The following LRRC4B variants were observed in gnomAD, a reference collection of about 807,000 sequenced individuals.
The protein encoded by LRRC4B is leucine rich repeat containing 4B.
In LRRC4B, 1 loss-of-function variant was observed where a neutral mutation model predicts 7.3. That is an observed-to-expected ratio of 0.14 (90% CI 0.05 to 0.65). LRRC4B has a LOEUF of 0.65. Ranked by LOEUF, LRRC4B falls within the 30% of genes least tolerant of loss-of-function variation. The probability of loss-of-function intolerance (pLI) is 0.84; values close to 1 mark genes in which losing one functional copy is unlikely to be tolerated. For missense variants in LRRC4B, 730 were observed against 1,041.6 expected (o/e 0.70, Z 4.12); for synonymous variants, 500 against 499.2 (o/e 1.00, Z -0.02).
intron 2 of LRRC4B, among the ~76,000 whole-genome samples, chr19:50,527,326 C>G (rs1980852670): frequency 1.3e-5 from 2 of 150,188 alleles, no homozygotes; most frequent in African/African-American, 2.5e-5. Context: ...GCCACCACGC[C>G]CGGCTGTTTT....
Position 50,517,776 on chromosome 19 carries a change from C to T in LRRC4B, c.1937G>A (p.Gly646Glu). 6.6e-7 allele frequency: 1 copy of T among 1,526,034 alleles called. No individual in the cohort carries two copies. The highest frequency in any genetic ancestry group is 8.8e-7 in the Non-Finnish European group (1 of 1,142,336). The allele number at this position is 1,526,034 out of a possible 1,614,324, so 94.5% of individuals were successfully genotyped here. ...GGCGGGCAGGGCCAGGTGGCTGTCC[C>T]CGCCCACACCACCCCCACTGGCCAC... The part of the protein sequence containing the change: ...AAVASGGGVG[G>E]DSHLALPALE... Residue 646 changes from glycine (G) to glutamate (E), a missense_variant, in exon 3 of 3, where the codon GGG becomes GAG. Physicochemically the swap from Gly to Glu is moderately conservative, Grantham distance 98. This residue lies in a region of LRRC4B where 160 missense variants were observed against 163.9 expected (regional missense o/e 0.98). Transcript: ENST00000652263. This position sits in a 1 kb window ranked among gnomAD's most constrained non-coding sequence, Gnocchi z 6.6.
intron 1 of LRRC4B, among the ~76,000 whole-genome samples, chr19:50,565,262 T>G (rs112215346): frequency 3.3e-5 from 5 of 152,220 alleles, no homozygotes; most frequent in Non-Finnish European, 5.9e-5. Flanking sequence ...GCCACCTCCG[T>G]GCCTTTTGCC....
At chr19:50,551,664 TCTC>T (rs1193412126) in intron 1 of LRRC4B, among the ~76,000 whole-genome samples, 2 of 141,966 alleles carry the variant, frequency 1.4e-5, no homozygotes, top group African/African-American at 5.3e-5. Context: ...CTTCTCTCCT[TCTC>T]CTCCATCTAT....
intron 1 of LRRC4B, among the ~76,000 whole-genome samples, chr19:50,565,526 C>CGTGT (rs67157266): frequency 0.16 from 23,514 of 147,170 alleles, 1,939 homozygotes; most frequent in Middle Eastern, 0.21. Context: ...TGTGTGCTCT[C>CGTGT]GTGTGTGTGT....
intron 2 of LRRC4B, among the ~76,000 whole-genome samples, chr19:50,521,668 C>T (rs1980583745): frequency 6.6e-6 from 1 of 151,950 alleles, no homozygotes. Flanking sequence ...CCTCGTGATC[C>T]ACCCGCCTCA....
At position 50,557,194 on chromosome 19, in the gene LRRC4B, G is replaced by A. The variant is rs558266643; in HGVS notation, c.-35-8321C>T. Among the ~76,000 whole-genome samples the A allele has an allele frequency of 3.3e-5, 5 of 152,310 alleles. No homozygotes were observed. The South Asian group carries it at 1.0e-3, about 32-fold the overall frequency. ...GGCAGAACCTGGAGGCGGTGTAGGA[G>A]GTGAGGGAGAGGGAGGAGCCAGGCT... is the stretch of plus-strand genomic sequence containing the variant. On this transcript the variant is annotated intron_variant, in intron 1 of 2. Coordinates refer to ENST00000652263, the MANE Select transcript of LRRC4B (RefSeq NM_001080457.2).
At chr19:50,540,539 T>C (rs1418044812) in intron 2 of LRRC4B, among the ~76,000 whole-genome samples, 2 of 152,004 alleles carry the variant, frequency 1.3e-5, no homozygotes, top group African/African-American at 2.4e-5. Flanking sequence ...GTATTTTTAG[T>C]AGAGACAGGT....
rs1568738920 is a variant in LRRC4B, at chr19:50,563,354, C to T, written c.-36+4590G>A. On this transcript the variant is annotated intron_variant, in intron 1 of 2. Coordinates refer to ENST00000652263, the MANE Select transcript of LRRC4B (RefSeq NM_001080457.2). The surrounding 1 kb of genome is among the most constrained non-coding windows in gnomAD (Gnocchi z 4.9). ...GACTCGAAGGGAAGGGAGGTTCTCC[C>T]CAGTGGGGACAAAGGGTCTCCAAAC... 6.6e-6 allele frequency among the ~76,000 whole-genome samples: 1 copy of T among 152,204 alleles called. No individual in the cohort carries two copies. The highest frequency in any genetic ancestry group is 2.4e-5 in the African/African-American group (1 of 41,458).
At chr19:50,535,801 C>T (rs1466016333) in intron 2 of LRRC4B, among the ~76,000 whole-genome samples, 5 of 152,210 alleles carry the variant, frequency 3.3e-5, no homozygotes, top group African/African-American at 1.2e-4. Context: ...CTCCTGAGCC[C>T]TTCTGGGACC....
intron 2 of LRRC4B, among the ~76,000 whole-genome samples, chr19:50,542,774 C>A (rs1224269276): frequency 2.0e-5 from 3 of 152,080 alleles, no homozygotes; most frequent in Non-Finnish European, 4.4e-5. Context: ...CCGCGCCTGG[C>A]CATGATATTT....
intron 2 of LRRC4B, among the ~76,000 whole-genome samples, chr19:50,522,640 C>G (rs1980634609): frequency 6.8e-6 from 1 of 148,016 alleles, no homozygotes; most frequent in Non-Finnish European, 1.5e-5. Context: ...ACACGCTTGG[C>G]TAATTTTTTG....
chr19:50,552,593 C>T (rs1982114964), intron 1 of LRRC4B, among the ~76,000 whole-genome samples: 1 of 44,298 alleles, frequency 2.3e-5, no homozygotes. Flanking sequence ...TCCATCTGTC[C>T]ATCCATCCAT....
Position 50,518,578 on chromosome 19 carries a change from T to C in LRRC4B, c.1135A>G (p.Met379Val). The stretch of plus-strand genomic sequence containing the variant: ...GTGCGGCATTTGAGCTCGGCAGCCA[T>C]GCCCTCGGTGACGTTGAGGTCCGTG... ...PPTDLNVTEG[M>V]AAELKCRTGT... Residue 379 changes from methionine (M) to valine (V), a missense_variant, in exon 3 of 3, where the codon ATG becomes GTG. By Grantham distance (21) the Met-to-Val change is conservative (BLOSUM62 1). Around this residue, in one of 6 missense-constraint regions of LRRC4B, gnomAD observed 226 missense variants for 448.0 expected, o/e 0.50. Transcript: ENST00000652263. 1 of 1,593,970 alleles carries C rather than the reference T, an allele frequency of 6.3e-7. No homozygotes were observed. The highest frequency in any genetic ancestry group is 8.6e-7 in the Non-Finnish European group (1 of 1,167,794).
chr19:50,527,434 G>A (rs900583777), intron 2 of LRRC4B, among the ~76,000 whole-genome samples: 5 of 144,712 alleles, frequency 3.5e-5, no homozygotes, highest in East Asian at 2.1e-4. Flanking sequence ...TGATCCACCC[G>A]CCTCAGTGTC....
rs931961058 is a variant in LRRC4B, at chr19:50,548,929, G to T, written c.-35-56C>A. 1.1e-4 allele frequency: 104 copies of T among 983,894 alleles called. 1 individual carries two copies. In the Middle Eastern group the frequency reaches 3.0e-3, roughly 28 times the overall value. The allele number at this position is 983,894 out of a possible 1,614,324, so 60.9% of individuals were successfully genotyped here. ...TTGGTGAGGGACAGGAGCCCATGTG[G>T]CCTGGGTGCTTGCCAACACCCAGGC... On this transcript the variant is annotated intron_variant, in intron 1 of 2. Coordinates refer to ENST00000652263, the MANE Select transcript of LRRC4B (RefSeq NM_001080457.2). This position sits in a 1 kb window ranked among gnomAD's most constrained non-coding sequence, Gnocchi z 6.8.
chr19:50,544,273 G>A (rs1192361249), intron 2 of LRRC4B, among the ~76,000 whole-genome samples: 11 of 151,694 alleles, frequency 7.3e-5, no homozygotes, highest in South Asian at 2.1e-4. Flanking sequence ...TTGGGAGGCC[G>A]AGGCGGGCAG....
intron 2 of LRRC4B, among the ~76,000 whole-genome samples, chr19:50,533,276 C>T (rs1313393696): frequency 6.6e-6 from 1 of 152,090 alleles, no homozygotes; most frequent in Admixed American, 6.6e-5. Context: ...TTTGTATTGA[C>T]TGAATTTCTT....
rs148029378 is a variant in LRRC4B, at chr19:50,525,969, G to A, written c.298-6554C>T. ...CCAGGAGGCGAGGTTGCGGTGAGCC[G>A]AGATAACGCCATTGTACTCCAGCCT... is the stretch of plus-strand genomic sequence containing the variant. On this transcript the variant is annotated intron_variant, in intron 2 of 2. Coordinates refer to ENST00000652263, the MANE Select transcript of LRRC4B (RefSeq NM_001080457.2). Among the ~76,000 whole-genome samples, 128 of 152,186 alleles carry A rather than the reference G, an allele frequency of 8.4e-4. 2 individuals are homozygous for A. In the East Asian group the frequency reaches 0.02, roughly 24 times the overall value.
chr19:50,517,791 C>A lies in LRRC4B; in HGVS notation c.1922G>T (p.Gly641Val). The stretch of plus-strand genomic sequence containing the variant: ...GTGGCTGTCCCCGCCCACACCACCC[C>A]CACTGGCCACGGCGGCCGCGGCGGC... ...SVAAAAAVAS[G>V]GGVGGDSHLA... is the part of the protein sequence containing the mutation. The change falls in exon 3 of 3, where the codon GGG becomes GTG. Residue 641 changes from glycine (G) to valine (V), a missense_variant. This residue lies in a region of LRRC4B where 160 missense variants were observed against 163.9 expected (regional missense o/e 0.98). Coordinates refer to ENST00000652263, the MANE Select transcript of LRRC4B (RefSeq NM_001080457.2). The surrounding 1 kb of genome is among the most constrained non-coding windows in gnomAD (Gnocchi z 6.6). 7 of 1,533,932 alleles carry A rather than the reference C, an allele frequency of 4.6e-6. No individual in the cohort carries two copies. Among genetic ancestry groups the A allele is most frequent in the Non-Finnish European group, 5.2e-6 (6 of 1,146,700 alleles).
Sources: allele counts gnomAD v4.1 joint callset (sites outside exome capture counted in the v4.1 genomes callset), GRCh38; gene constraint gnomAD v4.1.1; regional missense constraint gnomAD v4.1.1; non-coding constraint Gnocchi (gnomAD v3.1); transcripts MANE v1.5; gene names NCBI Gene and HGNC (gene_info 2026-07-23, HGNC 2026-07-21).